MEGF8: variants seen among roughly 807,000 people sequenced by gnomAD.
MEGF8 encodes multiple EGF like domains 8, also known as multiple epidermal growth factor-like domains protein 8.
MEGF8 carries 156 observed loss-of-function variants against 302.9 expected under a neutral mutation model. That is an observed-to-expected ratio of 0.52 (90% CI 0.45 to 0.59). The LOEUF is 0.59. Among genes scored for constraint, MEGF8 ranks in the 20% least tolerant of loss-of-function variants. The pLI is 0.00. For missense variants in MEGF8, 3,345 were observed against 3,964.5 expected (o/e 0.84, Z 4.20); for synonymous variants, 1,621 against 1,660.5 (o/e 0.98, Z 0.58).
chr19:42,375,675 G>T lies in MEGF8; in HGVS notation c.7438G>T (p.Val2480Leu). The T allele has an allele frequency of 3.7e-6, 6 of 1,610,492 alleles. No homozygotes were observed. Among genetic ancestry groups the T allele is most frequent in the Non-Finnish European group, 4.2e-6 (5 of 1,178,834 alleles). The part of the protein sequence containing the change: ...LGPGRTVLFG[V>L]QPKFTNVDIR... ...CCCCGGCCGCACTGTCCTCTTTGGC[G>T]TGCAGCCCAAATTCACCAACGTGGA... Residue 2480 changes from valine (V) to leucine (L), a missense_variant, in exon 42 of 42, where the codon GTG becomes TTG. By Grantham distance (32) the Val-to-Leu change is conservative. Transcript: ENST00000251268. The surrounding 1 kb of genome is among the most constrained non-coding windows in gnomAD (Gnocchi z 7.1).
chr19:42,375,858 G>A lies in MEGF8; in HGVS notation c.7621G>A (p.Gly2541Ser), dbSNP rs543549761. The A allele has an allele frequency of 6.2e-7, 1 of 1,608,594 alleles. No homozygotes were observed. The highest frequency in any genetic ancestry group is 2.2e-5 in the East Asian group (1 of 44,768). The change falls in exon 42 of 42, where the codon GGT becomes AGT. Residue 2541 changes from glycine to serine, a missense_variant. By Grantham distance (56) the Gly-to-Ser change is moderately conservative. Transcript: ENST00000251268. The surrounding 1 kb of genome is among the most constrained non-coding windows in gnomAD (Gnocchi z 7.1). ...ACCACCTCCACCACCCCCTGCAGAT[G>A]GTGGGCCCCGGGGGGCTGGGGATCC... is the stretch of plus-strand genomic sequence containing the variant. The part of the protein sequence containing the change: ...APPPPPPPAD[G>S]GPRGAGDPGG...
chr19:42,344,521 C>T lies in MEGF8; in HGVS notation c.1869C>T (p.Ala623=). ...QACLAFSSPT[A]PPRGPGTLGW... is the part of the protein sequence containing the mutation. ...GCCTGGCCTTCAGCAGCCCCACAGC[C>T]CCTCCACGGGGACCTGGCACCCTGG... is the stretch of plus-strand genomic sequence containing the variant. The change falls in exon 11 of 42, where the codon GCC becomes GCT. Residue 623 remains alanine (A), a synonymous_variant. Coordinates refer to ENST00000251268, the MANE Select transcript of MEGF8 (RefSeq NM_001271938.2). This position sits in a 1 kb window ranked among gnomAD's most constrained non-coding sequence, Gnocchi z 4.5. 1.3e-6 allele frequency: 2 copies of T among 1,599,890 alleles called. No individual in the cohort carries two copies. The highest frequency in any genetic ancestry group is 1.7e-6 in the Non-Finnish European group (2 of 1,179,318).
chr19:42,341,571 T>G (rs928844437), intron 8 of MEGF8, among the ~76,000 whole-genome samples: 2 of 152,094 alleles, frequency 1.3e-5, no homozygotes, highest in Non-Finnish European at 2.9e-5. Flanking sequence ...CAAATAGCTG[T>G]GACCATAGGC....
chr19:42,341,923 G>A (rs1465515528), intron 8 of MEGF8, among the ~76,000 whole-genome samples: 1 of 152,146 alleles, frequency 6.6e-6, no homozygotes, highest in Non-Finnish European at 1.5e-5. Context: ...GTATCACTTC[G>A]GGGACGTGTG....
In MEGF8 at chr19:42,358,024, C is replaced by G; in HGVS notation, c.5012-120C>G. On this transcript the variant is annotated intron_variant, in intron 28 of 41. Transcript: ENST00000251268. This position sits in a 1 kb window ranked among gnomAD's most constrained non-coding sequence, Gnocchi z 4.4. ...TGAGAGGGACGGGTGGAGAGGGGCT[C>G]CCAGGCCTCCAGTCTCAGGGCCGGG... The G allele has an allele frequency of 2.0e-6, 2 of 1,009,138 alleles. No individual in the cohort carries two copies. The highest frequency in any genetic ancestry group is 2.7e-6 in the Non-Finnish European group (2 of 727,514). 62.5% of individuals were successfully genotyped at this position (1,009,138 alleles called of 1,614,324 possible).
chr19:42,330,991 G>A (rs1456479229), intron 1 of MEGF8, among the ~76,000 whole-genome samples: 1 of 152,180 alleles, frequency 6.6e-6, no homozygotes, highest in Non-Finnish European at 1.5e-5. Flanking sequence ...GTGGTAGGGA[G>A]CCATGCAGGG....
At chr19:42,364,069 G>T (rs187359875) in intron 35 of MEGF8, among the ~76,000 whole-genome samples, 1 of 152,228 alleles carries the variant, frequency 6.6e-6, no homozygotes, top group Non-Finnish European at 1.5e-5. Context: ...CTAGGAGCAC[G>T]TGGTTCAAAC....
chr19:42,352,162 C>T lies in MEGF8; in HGVS notation c.3102-46C>T, dbSNP rs1476434516. On this transcript the variant is annotated intron_variant, in intron 18 of 41. Transcript: ENST00000251268. This position sits in a 1 kb window ranked among gnomAD's most constrained non-coding sequence, Gnocchi z 4.4. The stretch of plus-strand genomic sequence containing the variant: ...CCTGTCATTGTTTCTATGTATGGCT[C>T]CTGTTTCTATGTTGTCCCCCGCTTC... 2 of 1,469,334 alleles carry T rather than the reference C, an allele frequency of 1.4e-6. No individual in the cohort carries two copies. The highest frequency in any genetic ancestry group is 1.8e-6 in the Non-Finnish European group (2 of 1,106,746). The allele number at this position is 1,469,334 out of a possible 1,614,324, so 91.0% of individuals were successfully genotyped here.
chr19:42,365,937 C>A (rs2039598823), intron 35 of MEGF8, among the ~76,000 whole-genome samples: 1 of 151,802 alleles, frequency 6.6e-6, no homozygotes, highest in South Asian at 2.1e-4. Flanking sequence ...CAAAAATTAA[C>A]CAGGCATGGT....
intron 12 of MEGF8, among the ~76,000 whole-genome samples, chr19:42,345,455 C>T (rs566641858): frequency 1.3e-5 from 2 of 152,204 alleles, no homozygotes; most frequent in Non-Finnish European, 1.5e-5. Flanking sequence ...TCCACTCTTC[C>T]CCCCGGTCCC....
In MEGF8 at chr19:42,351,039, G is replaced by T. The variant is rs1035091183; in HGVS notation, c.2737-177G>T. ...CTAAAGGAGACAGTGGGTGCTGGGC[G>T]GGCCGACCCATGGGTGTCTGTGGTC... On this transcript the variant is annotated intron_variant, in intron 15 of 41. Coordinates refer to ENST00000251268, the MANE Select transcript of MEGF8 (RefSeq NM_001271938.2). The surrounding 1 kb of genome is among the most constrained non-coding windows in gnomAD (Gnocchi z 5.6). 1.6e-6 allele frequency: 1 copy of T among 624,594 alleles called. No homozygotes were observed. Among genetic ancestry groups the T allele is most frequent in the Non-Finnish European group, 2.9e-6 (1 of 350,274 alleles). The allele number at this position is 624,594 out of a possible 1,614,324, so 38.7% of individuals were successfully genotyped here.
chr19:42,337,859 A>G (rs771962216), intron 8 of MEGF8, among the ~76,000 whole-genome samples: 6 of 151,284 alleles, frequency 4.0e-5, no homozygotes, highest in Non-Finnish European at 8.8e-5. Context: ...GCTAGAGTGC[A>G]GTAGCGTGAT....
In MEGF8 at chr19:42,369,577, G is replaced by T; in HGVS notation, c.6688G>T (p.Gly2230Cys). Residue 2230 changes from glycine (G) to cysteine (C), a missense_variant, in exon 38 of 42, where the codon GGC (glycine) becomes TGC (cysteine). Physicochemically the swap from Gly to Cys is radical, Grantham distance 159 (BLOSUM62 -3). Coordinates refer to ENST00000251268, the MANE Select transcript of MEGF8 (RefSeq NM_001271938.2). The surrounding 1 kb of genome is among the most constrained non-coding windows in gnomAD (Gnocchi z 5.7). ...TGTGTGCGCCCAGGGCTGCGTGAAC[G>T]GCTCATGTGTGGAGCCCGACCACTG... ...RPVCAQGCVN[G>C]SCVEPDHCRC... 6.2e-7 allele frequency: 1 copy of T among 1,611,938 alleles called. No homozygotes were observed.
intron 12 of MEGF8, among the ~76,000 whole-genome samples, chr19:42,346,199 C>T (rs1307698176): frequency 6.6e-6 from 1 of 152,190 alleles, no homozygotes; most frequent in Non-Finnish European, 1.5e-5. Flanking sequence ...CATGCCCGGC[C>T]TCTTTATTGA....
intron 31 of MEGF8, among the ~76,000 whole-genome samples, 160 bp downstream of exon 31, chr19:42,359,402 T>G (rs1196121450): frequency 6.7e-6 from 1 of 148,604 alleles, no homozygotes. Context: ...CATGCCCTCC[T>G]TCCTTTTTTT....
intron 12 of MEGF8, 51 bp from the exon 13 acceptor site, chr19:42,348,221 C>G: frequency 6.9e-7 from 1 of 1,458,860 alleles, no homozygotes; most frequent in Non-Finnish European, 9.2e-7. Flanking sequence ...TCTGATGTGG[C>G]CTGTGAGTCC....
At position 42,354,528 on chromosome 19, in the gene MEGF8, G is replaced by T; in HGVS notation, c.4012-60G>T. 1 of 1,557,544 alleles carries T rather than the reference G, an allele frequency of 6.4e-7. No homozygotes were observed. The highest frequency in any genetic ancestry group is 1.2e-5 in the South Asian group (1 of 85,362). The stretch of plus-strand genomic sequence containing the variant: ...CCCTCTTGAACCCCTCCTCCTCCCA[G>T]ACCCCAGGTGTCGTTCTCATCCTCA... On this transcript the variant is annotated intron_variant, in intron 22 of 41. Coordinates refer to ENST00000251268, the MANE Select transcript of MEGF8 (RefSeq NM_001271938.2). This position sits in a 1 kb window ranked among gnomAD's most constrained non-coding sequence, Gnocchi z 4.3.
Position 42,344,901 on chromosome 19 carries a change from A to C in MEGF8, c.2097+68A>C, listed in dbSNP as rs1334246318. On this transcript the variant is annotated intron_variant, in intron 12 of 41. Coordinates refer to ENST00000251268, the MANE Select transcript of MEGF8 (RefSeq NM_001271938.2). The surrounding 1 kb of genome is among the most constrained non-coding windows in gnomAD (Gnocchi z 4.5). Reference sequence around the variant, plus strand: ...GATCCTAGGGTTTGTTTTTTCTCAAATGCATCTTTATCACTCTTATGTTTA... The same window carrying C: ...GATCCTAGGGTTTGTTTTTTCTCAACTGCATCTTTATCACTCTTATGTTTA... 3 of 1,422,208 alleles carry C rather than the reference A, an allele frequency of 2.1e-6. No individual in the cohort carries two copies. The highest frequency in any genetic ancestry group is 2.5e-5 in the Admixed American group (1 of 40,002). 88.1% of individuals were successfully genotyped at this position (1,422,208 alleles called of 1,614,324 possible). A position where few individuals can be genotyped will look rare whatever the true frequency, so the allele number is the denominator to read the frequency against.
At chr19:42,342,698 G>A (rs1368190940) in intron 8 of MEGF8, among the ~76,000 whole-genome samples, 1 of 152,012 alleles carries the variant, frequency 6.6e-6, no homozygotes, top group Non-Finnish European at 1.5e-5. Context: ...CTGTCTTCAG[G>A]CTGGGCTGGA....
Sources: gnomAD v4.1 joint callset for allele counts (sites outside exome capture counted in the v4.1 genomes callset) on GRCh38, gnomAD v4.1.1 for gene constraint, Gnocchi (gnomAD v3.1) non-coding constraint, MANE v1.5 for transcripts, NCBI Gene and HGNC (gene_info 2026-07-23, HGNC 2026-07-21) for gene names.